Variants in RALGDS observed in about 807,000 individuals in gnomAD.
RALGDS encodes the protein ral guanine nucleotide exchange factor.
In RALGDS, 44 loss-of-function variants were observed where a neutral mutation model predicts 99.8. That is an observed-to-expected ratio of 0.44 (90% CI 0.35 to 0.57). RALGDS has a LOEUF of 0.57. Among genes scored for constraint, RALGDS ranks in the 20% least tolerant of loss-of-function variants. RALGDS has a pLI of 0.01. For synonymous variants in RALGDS, 529 were observed against 505.0 expected, an observed-to-expected ratio of 1.05 and a Z score of -0.64; for missense variants, 1,022 against 1,203.1, an observed-to-expected ratio of 0.85 and a Z score of 2.23.
chr9:133,110,379 G>A lies in RALGDS; in HGVS notation c.405C>T (p.Ser135=), dbSNP rs147341120. 1.5e-5 allele frequency: 24 copies of A among 1,613,472 alleles called. No individual in the cohort carries two copies. In the African/African-American group the frequency reaches 1.9e-4, roughly 13 times the overall value. Residue 135 remains serine (S), a synonymous_variant, in exon 3 of 18, where the codon AGC becomes AGT. Transcript: ENST00000372050. ...VEHLVPAFQG[S]DLSYVTIFLC... ...GGAAGATGGTGACGTAGGAGAGGTC[G>A]CTGCCCTGGAAGGCTGGCACCAGGT...
chr9:133,117,306 G>A (rs867550323), intron 1 of RALGDS, among the ~76,000 whole-genome samples: 11 of 152,306 alleles, frequency 7.2e-5, no homozygotes, highest in Admixed American at 2.6e-4. Flanking sequence ...TGAGGCTCAG[G>A]AGCACGTCTA....
rs564393952 is a variant in RALGDS, at chr9:133,130,893, C to T, written c.132+59G>A. The T allele has an allele frequency of 2.2e-5, 32 of 1,468,306 alleles. No individual in the cohort carries two copies. The East Asian group carries it at 7.7e-4, about 35-fold the overall frequency. The allele number at this position is 1,468,306 out of a possible 1,614,324, so 91.0% of individuals were successfully genotyped here. On this transcript the variant is annotated intron_variant, in intron 1 of 17. Coordinates refer to the RALGDS transcript ENST00000372062. ...GGCCAGAACACTCAGAGCCCCAACCCCAAAGCCCAGAGATGCCAGGGCGAA... is the reference window on the plus strand; with the variant it reads ...GGCCAGAACACTCAGAGCCCCAACCTCAAAGCCCAGAGATGCCAGGGCGAA...
At position 133,107,150 on chromosome 9, in the gene RALGDS, C is replaced by T. The variant is rs747308786; in HGVS notation, c.1348G>A (p.Gly450Arg). The change falls in exon 7 of 18, where the codon GGG becomes AGG. Residue 450 changes from glycine (G) to arginine (R), a missense_variant. Physicochemically the swap from Gly to Arg is moderately radical, Grantham distance 125. Coordinates refer to ENST00000372050, the MANE Select transcript of RALGDS (RefSeq NM_006266.4). ...TCTGGGGCTTTCGTGCTTCGGTTCC[C>T]GAGGCAGGTGGTGATGACACAGTTG... ...VANCVITTCL[G>R]NRSTKAPDRA... 1.7e-5 allele frequency: 27 copies of T among 1,613,664 alleles called. 1 individual carries two copies. In the South Asian group the frequency reaches 2.0e-4, roughly 12 times the overall value.
In RALGDS at chr9:133,103,735, C is replaced by T. The variant is rs753633956; in HGVS notation, c.1758+12G>A. The T allele has an allele frequency of 4.5e-5, 72 of 1,612,946 alleles. No homozygotes were observed. The highest frequency in any genetic ancestry group is 1.6e-4 in the Middle Eastern group (1 of 6,082). On this transcript the variant is annotated intron_variant, in intron 11 of 17. Transcript: ENST00000372050. ...TCCCGGGCCCTACTCCAGCCCCGCCCGGCACACTCACATACAGATAGTCCT... is the reference window on the plus strand; with the variant it reads ...TCCCGGGCCCTACTCCAGCCCCGCCTGGCACACTCACATACAGATAGTCCT...
At chr9:133,134,495 G>C (rs1455056570), upstream of RALGDS, among the ~76,000 whole-genome samples, 1 of 152,266 alleles carries the variant, frequency 6.6e-6, no homozygotes, top group African/African-American at 2.4e-5. Context: ...CTGAGGCCCA[G>C]AGAGGGCGAA....
In RALGDS at chr9:133,103,616, G is replaced by A. The variant is rs938956204; in HGVS notation, c.1758+131C>T. The A allele has an allele frequency of 4.1e-6, 4 of 978,010 alleles. No individual in the cohort carries two copies. The Admixed American group carries it at 5.1e-5, about 12-fold the overall frequency. 60.6% of individuals were successfully genotyped at this position (978,010 alleles called of 1,614,324 possible). On this transcript the variant is annotated intron_variant, in intron 11 of 17. Coordinates refer to ENST00000372050, the MANE Select transcript of RALGDS (RefSeq NM_006266.4). ...CCTGCTGCAGCTCTGTGTTTGGGCA[G>A]CCCTGGGGTGTCACCAGCAGGGCAC...
At chr9:133,102,645 T>G (rs956581794) in intron 13 of RALGDS, 74 bp from the exon 14 acceptor site, 27 of 1,606,292 alleles carry the variant, frequency 1.7e-5, no homozygotes, top group Non-Finnish European at 2.2e-5. Flanking sequence ...GCCCAGAAGC[T>G]GGAGTCGGGG....
chr9:133,149,142 G>T (rs1832673565), exon 1 of RALGDS: 1 of 205,718 alleles, frequency 4.9e-6, no homozygotes, highest in Non-Finnish European at 8.5e-6. Context: ...CCTCGGGGCC[G>T]CCCCGGCAGC....
chr9:133,106,680 G>A lies in RALGDS; in HGVS notation c.1482C>T (p.Ile494=). ...CTTCCCACGTCTTCTTCAGACGGTG[G>A]ATGGAGTTGCTCTGCAGGGCAGAGA... The part of the protein sequence containing the change: ...AILSALQSNS[I]HRLKKTWEDV... The change falls in exon 8 of 18, where the codon ATC becomes ATT. Residue 494 remains isoleucine, a synonymous_variant. Transcript: ENST00000372050. 1.9e-6 allele frequency: 3 copies of A among 1,612,516 alleles called. No individual in the cohort carries two copies. In the South Asian group the frequency reaches 3.3e-5, roughly 18 times the overall value.
chr9:133,100,084 C>A, intron 17 of RALGDS, 184 bp downstream of exon 17: 1 of 692,198 alleles, frequency 1.4e-6, no homozygotes, highest in Middle Eastern at 3.0e-4. Context: ...AGGGCACACA[C>A]TGGGGAGGTC....
intron 4 of RALGDS, among the ~76,000 whole-genome samples, chr9:133,109,219 A>G (rs531021379): frequency 6.6e-6 from 1 of 152,208 alleles, no homozygotes; most frequent in South Asian, 2.1e-4. Flanking sequence ...TGTGGGTCTC[A>G]TCTTCCCACT....
intron 2 of RALGDS, 147 bp from the exon 3 acceptor site, chr9:133,110,636 G>C: frequency 1.3e-6 from 1 of 765,574 alleles, no homozygotes; most frequent in Admixed American, 2.0e-5. Context: ...TTTAAAAGTA[G>C]AATTTCAGGC....
intron 1 of RALGDS, among the ~76,000 whole-genome samples, chr9:133,146,186 TGTTTGTTC>T (rs890243391): frequency 1.9e-4 from 27 of 144,238 alleles, no homozygotes; most frequent in Non-Finnish European, 2.5e-4. Flanking sequence ...TTTGTTTGTT[TGTTTGTTC>T]GTTTGTTTAT....
chr9:133,103,713 C>A lies in RALGDS; in HGVS notation c.1758+34G>T, dbSNP rs200850003. On this transcript the variant is annotated intron_variant, in intron 11 of 17. Coordinates refer to ENST00000372050, the MANE Select transcript of RALGDS (RefSeq NM_006266.4). ...AGGGCTCAGGGAAGGTCTCTCCTCC[C>A]GGGCCCTACTCCAGCCCCGCCCGGC... 5 of 1,604,448 alleles carry A rather than the reference C, an allele frequency of 3.1e-6. No individual in the cohort carries two copies. In the South Asian group the frequency reaches 5.5e-5, roughly 18 times the overall value.
rs553589646 is a variant in RALGDS, at chr9:133,109,793, T to G, written c.489-72A>C. On this transcript the variant is annotated intron_variant, in intron 3 of 17. Transcript: ENST00000372050. The stretch of plus-strand genomic sequence containing the variant: ...GAGGCCCAGGAGGGCAGGGATTTTT[T>G]TTTTTGCTTTTTTTCATCAAATTAT... The G allele has an allele frequency of 1.4e-5, 18 of 1,242,740 alleles. No homozygotes were observed. The African/African-American group carries it at 1.6e-4, about 11-fold the overall frequency. 77.0% of individuals were successfully genotyped at this position (1,242,740 alleles called of 1,614,324 possible).
In RALGDS at chr9:133,100,122, C is replaced by A. The variant is rs867067778; in HGVS notation, c.2569+146G>T. On this transcript the variant is annotated intron_variant, in intron 17 of 17. Transcript: ENST00000372050. ...GTGGTTGCTGGGGACAGCAAGCAGA[C>A]AATGGGGGCAGCCAGGGCTGCCCTG... 55 of 790,008 alleles carry A rather than the reference C, an allele frequency of 7.0e-5. 1 individual carries two copies. The Middle Eastern group carries it at 4.6e-3, about 66-fold the overall frequency. The allele number at this position is 790,008 out of a possible 1,614,324, so 48.9% of individuals were successfully genotyped here. A position where few individuals can be genotyped will look rare whatever the true frequency, so the allele number is the denominator to read the frequency against.
At chr9:133,129,245 G>A in intron 1 of RALGDS, 1 of 1,597,116 alleles carries the variant, frequency 6.3e-7, no homozygotes, top group Non-Finnish European at 8.5e-7. Flanking sequence ...AGAGACACAG[G>A]CAAAGAACAC....
At chr9:133,100,832 C>A in intron 16 of RALGDS, 12 of 1,072,968 alleles carry the variant, frequency 1.1e-5, no homozygotes, top group Non-Finnish European at 1.4e-5. Context: ...AGGGCCAGAG[C>A]ACAGGCGGAA....
Position 133,108,826 on chromosome 9 carries a change from A to T in RALGDS, c.625T>A (p.Ser209Thr), listed in dbSNP as rs1831200214. 2 of 1,613,200 alleles carry T rather than the reference A, an allele frequency of 1.2e-6. No individual in the cohort carries two copies. The highest frequency in any genetic ancestry group is 1.7e-6 in the Non-Finnish European group (2 of 1,179,952). Residue 209 changes from serine (S) to threonine (T), a missense_variant, in exon 5 of 18, where the codon TCG becomes ACG. Ser to Thr is a moderately conservative substitution (Grantham distance 58). Around this residue, in one of 3 missense-constraint regions of RALGDS, gnomAD observed 825 missense variants for 994.5 expected, o/e 0.83. Transcript: ENST00000372050. ...TCCGGAGGTTGACAGAAATCCTCCG[A>T]GTACTGGTCCAGCCAGGTGCCCAGG... is the stretch of plus-strand genomic sequence containing the variant. ...SILGTWLDQY[S>T]EDFCQPPDFP...
Sources: allele counts gnomAD v4.1 joint callset (sites outside exome capture counted in the v4.1 genomes callset), GRCh38; gene constraint gnomAD v4.1.1; regional missense constraint gnomAD v4.1.1; transcripts MANE v1.5; gene names NCBI Gene and HGNC (gene_info 2026-07-23, HGNC 2026-07-21).